The following ATM variants were observed in gnomAD, a reference collection of about 807,000 sequenced individuals.
ATM encodes serine-protein kinase ATM.
Under a neutral mutation model 387.0 loss-of-function variants are expected in ATM, and 308 were observed. That is an observed-to-expected ratio of 0.80 (90% CI 0.73 to 0.87). ATM has a LOEUF of 0.87. Ranked by LOEUF, ATM falls within the 40% of genes least tolerant of loss-of-function variation. The pLI, the probability that ATM is intolerant of heterozygous loss-of-function variation, is 0.00. For missense variants in ATM, 3,312 were observed against 3,560.9 expected (o/e 0.93, Z 1.78); for synonymous variants, 1,156 against 1,187.3 (o/e 0.97, Z 0.54).
intron 61 of ATM, among the ~76,000 whole-genome samples, chr11:108,363,246 C>G (rs2090997844): frequency 6.6e-6 from 1 of 152,146 alleles, no homozygotes; most frequent in Non-Finnish European, 1.5e-5. Context: ...CTTTTCTTCT[C>G]TTAGATTTCA....
In ATM at chr11:108,252,855, G is replaced by A. The variant is rs770377706; in HGVS notation, c.1841G>A (p.Ser614Asn). The A allele has an allele frequency of 6.2e-7, 1 of 1,613,038 alleles. No individual in the cohort carries two copies. The highest frequency in any genetic ancestry group is 8.5e-7 in the Non-Finnish European group (1 of 1,179,378). Residue 614 changes from serine to asparagine, a missense_variant, in exon 12 of 63, where the codon AGT (serine) becomes AAT (asparagine). This residue lies in a region of ATM where 1,791 missense variants were observed against 1,804.5 expected (regional missense o/e 0.99). Transcript: ENST00000675843. The stretch of plus-strand genomic sequence containing the variant: ...CTTGTACTGGAGAAAATTCTTGTGA[G>A]TCTCACTATGAAAAACTGTAAAGCT... ...PHLVLEKILV[S>N]LTMKNCKAAM...
At chr11:108,286,184 G>A (rs2082479650) in intron 26 of ATM, among the ~76,000 whole-genome samples, 1 of 151,752 alleles carries the variant, frequency 6.6e-6, no homozygotes, top group Non-Finnish European at 1.5e-5. Context: ...GTGGTGGTGT[G>A]TGCCTGTAAT....
intron 7 of ATM, among the ~76,000 whole-genome samples, chr11:108,245,734 CTCA>C (rs2079814848): frequency 6.6e-6 from 1 of 151,820 alleles, no homozygotes; most frequent in Admixed American, 6.6e-5. Flanking sequence ...TTTGGACCAA[CTCA>C]TCATGGCTAG....
intron 5 of ATM, chr11:108,236,112 A>G (rs1387416656): frequency 2.2e-6 from 1 of 447,624 alleles, no homozygotes; most frequent in East Asian, 4.5e-5. Context: ...GTGGCAGAAG[A>G]AAACCCAAGT....
At chr11:108,264,185 GAAT>G (rs1193741740) in intron 16 of ATM, among the ~76,000 whole-genome samples, 11 of 152,040 alleles carry the variant, frequency 7.2e-5, no homozygotes, top group Non-Finnish European at 1.6e-4. Context: ...CCAAAAAAGA[GAAT>G]GTTAGACCAA....
At chr11:108,365,001 G>A (rs779480183) in intron 61 of ATM, 81 bp from the exon 62 acceptor site, 125 of 1,516,726 alleles carry the variant, frequency 8.2e-5, no homozygotes, top group Non-Finnish European at 1.1e-4. Context: ...TGGCTTATTT[G>A]TATGATACTG....
At chr11:108,289,413 T>A (rs2082661706) in intron 28 of ATM, among the ~76,000 whole-genome samples, 189 bp from the exon 29 acceptor site, 1 of 152,180 alleles carries the variant, frequency 6.6e-6, no homozygotes, top group African/African-American at 2.4e-5. Flanking sequence ...TGGCAATAGT[T>A]TAAGATAGTA....
chr11:108,282,346 T>G (rs186850278), intron 24 of ATM, among the ~76,000 whole-genome samples: 208 of 152,262 alleles, frequency 1.4e-3, no homozygotes, highest in Admixed American at 5.7e-3. Flanking sequence ...CAAGCTGGTC[T>G]TGAACTCTTG....
chr11:108,260,725 G>A (rs543994794), intron 16 of ATM, among the ~76,000 whole-genome samples: 7 of 152,318 alleles, frequency 4.6e-5, no homozygotes, highest in East Asian at 1.9e-4. Context: ...TCCATCTGAG[G>A]TACCGGGTTC....
At chr11:108,268,943 C>T (rs888266378) in intron 18 of ATM, among the ~76,000 whole-genome samples, 6 of 152,004 alleles carry the variant, frequency 3.9e-5, no homozygotes, top group Admixed American at 3.3e-4. Context: ...TTGCCTTTGA[C>T]CTTAGTTTAT....
chr11:108,332,502 T>C (rs2086371199), intron 52 of ATM, among the ~76,000 whole-genome samples: 2 of 152,186 alleles, frequency 1.3e-5, no homozygotes, highest in Admixed American at 1.3e-4. Flanking sequence ...GCATAGGAGA[T>C]ACCAGTAGTA....
rs2079692832 is a variant in ATM, at chr11:108,243,933, A to T, written c.497-20A>T. 1 of 1,407,024 alleles carries T rather than the reference A, an allele frequency of 7.1e-7. No homozygotes were observed. The highest frequency in any genetic ancestry group is 9.8e-7 in the Non-Finnish European group (1 of 1,024,318). The allele number at this position is 1,407,024 out of a possible 1,614,324, so 87.2% of individuals were successfully genotyped here. ...TGATTTTTAAAAAATCATGACTAAT[A>T]ATTTTTTTTTTTTTTTAAGAATTGT... On this transcript the variant is annotated intron_variant, in intron 5 of 62. Coordinates refer to ENST00000675843, the MANE Select transcript of ATM (RefSeq NM_000051.4).
intron 44 of ATM, among the ~76,000 whole-genome samples, chr11:108,320,783 G>C (rs1371690021): frequency 6.6e-6 from 1 of 152,176 alleles, no homozygotes; most frequent in Non-Finnish European, 1.5e-5. Context: ...TTGAAAATGT[G>C]AGTATTACTT....
At chr11:108,350,069 T>C (rs2088997709) in intron 59 of ATM, among the ~76,000 whole-genome samples, 1 of 152,106 alleles carries the variant, frequency 6.6e-6, no homozygotes, top group South Asian at 2.1e-4. Flanking sequence ...ACAAATAAAA[T>C]TCTAAAATTT....
In ATM at chr11:108,329,066, C is replaced by T. The variant is rs778888033; in HGVS notation, c.7135C>T (p.Leu2379=). 6.2e-7 allele frequency: 1 copy of T among 1,614,034 alleles called. No individual in the cohort carries two copies. Among genetic ancestry groups the T allele is most frequent in the South Asian group, 1.1e-5 (1 of 91,080 alleles). The change falls in exon 49 of 63, where the codon CTA becomes TTA. Residue 2379 remains leucine, a synonymous_variant. Transcript: ENST00000675843. ...TTATGATGGAGAAAGTAGTGATGAG[C>T]TAAGAAATGGAAAAATGAAGGCATT... The part of the protein sequence containing the change: ...GNYDGESSDE[L]RNGKMKAFLS...
intron 7 of ATM, among the ~76,000 whole-genome samples, chr11:108,245,244 A>G (rs528774053): frequency 5.3e-5 from 8 of 152,316 alleles, no homozygotes; most frequent in Admixed American, 2.0e-4. Context: ...ATACAATATT[A>G]GGTATTATGG....
intron 61 of ATM, among the ~76,000 whole-genome samples, chr11:108,363,064 G>A (rs866233117): frequency 6.6e-6 from 1 of 152,014 alleles, no homozygotes; most frequent in Non-Finnish European, 1.5e-5. Flanking sequence ...AAATCTGTCC[G>A]AATTTCCCCA....
rs775112137 is a variant in ATM, at chr11:108,365,220, T to A, written c.8987+2T>A. 2 of 1,614,206 alleles carry A rather than the reference T, an allele frequency of 1.2e-6. No homozygotes were observed. The highest frequency in any genetic ancestry group is 2.2e-5 in the South Asian group (2 of 91,088). ...CCAAGAATGCAAACGAAATCTCAGG[T>A]GAGCAGTATTTTAAGAAGGTCCTGT... On this transcript the variant is annotated splice_donor_variant, in intron 62 of 62. Transcript: ENST00000675843. LOFTEE classifies it high-confidence loss of function.
At chr11:108,249,402 T>C (rs1173147712) in intron 9 of ATM, among the ~76,000 whole-genome samples, 3 of 152,222 alleles carry the variant, frequency 2.0e-5, no homozygotes, top group Non-Finnish European at 2.9e-5. Flanking sequence ...ATTCACTGAA[T>C]TGTACGCTTC....
Sources: gnomAD v4.1 joint callset for allele counts (sites outside exome capture counted in the v4.1 genomes callset) on GRCh38, gnomAD v4.1.1 for gene constraint, gnomAD v4.1.1 regional missense constraint, MANE v1.5 for transcripts, NCBI Gene and HGNC (gene_info 2026-07-23, HGNC 2026-07-21) for gene names.